Variants in UGT1A9 observed in about 807,000 individuals in gnomAD.
UGT1A9 encodes the protein UDP glucuronosyltransferase family 1 member A9, also known as UDP-glucuronosyltransferase 1A9.
UGT1A9 carries 35 observed loss-of-function variants against 45.0 expected under a neutral mutation model. The ratio of observed to expected loss-of-function variants is 0.78; its 90% CI spans 0.59 to 1.03. The LOEUF (loss-of-function observed/expected upper bound fraction) is 1.03, where lower values mean the gene tolerates loss of function less well. Among genes scored for constraint, UGT1A9 ranks in the 50% least tolerant of loss-of-function variants. UGT1A9 has a pLI of 0.00. For synonymous variants in UGT1A9, 278 were observed against 250.6 expected (o/e 1.11, Z -1.03); for missense variants, 687 against 666.6 (o/e 1.03, Z -0.34).
intron 1 of UGT1A9, among the ~76,000 whole-genome samples, chr2:233,699,734 C>G (rs943749352): frequency 6.6e-6 from 1 of 152,176 alleles, no homozygotes. Flanking sequence ...GGAGCGTTTT[C>G]CCAGAAAACT....
At chr2:233,740,454 A>T (rs1319736893) in intron 1 of UGT1A9, among the ~76,000 whole-genome samples, 4 of 151,980 alleles carry the variant, frequency 2.6e-5, no homozygotes, top group Admixed American at 2.0e-4. Flanking sequence ...GAGGAGAAGA[A>T]GATGATGGAC....
intron 1 of UGT1A9, among the ~76,000 whole-genome samples, chr2:233,763,058 A>G (rs1698227162): frequency 6.6e-6 from 1 of 152,176 alleles, no homozygotes. Context: ...ATTGATTTAG[A>G]TAATTTCCTT....
At chr2:233,682,225 T>C in intron 1 of UGT1A9, 1 of 1,614,246 alleles carries the variant, frequency 6.2e-7, no homozygotes, top group Non-Finnish European at 8.5e-7. Flanking sequence ...TTGCCGATGC[T>C]CGCTGGACGG....
At chr2:233,757,301 G>T (rs1209658771) in intron 1 of UGT1A9, among the ~76,000 whole-genome samples, 1 of 149,508 alleles carries the variant, frequency 6.7e-6, no homozygotes, top group Non-Finnish European at 1.5e-5. Context: ...TGGGGGTTGG[G>T]GGACAGGGGG....
At chr2:233,758,825 CA>C (rs1386415381) in intron 1 of UGT1A9, among the ~76,000 whole-genome samples, 2 of 152,114 alleles carry the variant, frequency 1.3e-5, no homozygotes, top group Non-Finnish European at 2.9e-5. Flanking sequence ...ATATCCCCCC[CA>C]AAAAGAGTGT....
chr2:233,741,051 T>G (rs1437462730), intron 1 of UGT1A9, among the ~76,000 whole-genome samples: 1 of 151,772 alleles, frequency 6.6e-6, no homozygotes, highest in Non-Finnish European at 1.5e-5. Context: ...CTTGCCTAGG[T>G]AACAGCTACA....
At chr2:233,703,885 A>AT (rs2075756699) in intron 1 of UGT1A9, among the ~76,000 whole-genome samples, 1 of 150,626 alleles carries the variant, frequency 6.6e-6, no homozygotes, top group Non-Finnish European at 1.5e-5. Context: ...GTCTACCATC[A>AT]TTTTTTTCTT....
chr2:233,733,236 C>T (rs982888781), intron 1 of UGT1A9, among the ~76,000 whole-genome samples: 9 of 152,278 alleles, frequency 5.9e-5, no homozygotes, highest in African/African-American at 2.2e-4. Context: ...TCTAAATATA[C>T]AATCATGTCA....
intron 1 of UGT1A9, among the ~76,000 whole-genome samples, chr2:233,735,726 A>G (rs1434369558): frequency 5.9e-5 from 9 of 152,086 alleles, no homozygotes; most frequent in Admixed American, 5.9e-4. Flanking sequence ...ATCTCTCAGC[A>G]TTTGCTTGTC....
At chr2:233,721,607 A>C (rs1233448854) in intron 1 of UGT1A9, 2 of 179,574 alleles carry the variant, frequency 1.1e-5, no homozygotes, top group Non-Finnish European at 1.2e-5. Flanking sequence ...GTTTAGGAAC[A>C]ATTTGTTCCT....
chr2:233,719,067 C>T (rs769802516), intron 1 of UGT1A9: 180 of 1,614,260 alleles, frequency 1.1e-4, no homozygotes, highest in East Asian at 4.0e-4. Flanking sequence ...CTATGCTGTT[C>T]CATGGACCCA....
chr2:233,755,312 G>A (rs976147893), intron 1 of UGT1A9: 4 of 551,240 alleles, frequency 7.3e-6, no homozygotes, highest in South Asian at 3.7e-5. Flanking sequence ...CACAGCGAGC[G>A]GCAAGGCTGC....
intron 1 of UGT1A9, among the ~76,000 whole-genome samples, chr2:233,750,128 G>A (rs1357269719): frequency 6.6e-6 from 1 of 151,932 alleles, no homozygotes; most frequent in Non-Finnish European, 1.5e-5. Flanking sequence ...ATGTGGGAAA[G>A]TTTGGAACTT....
At chr2:233,763,485 C>G (rs763947440) in intron 1 of UGT1A9, among the ~76,000 whole-genome samples, 4 of 152,140 alleles carry the variant, frequency 2.6e-5, no homozygotes, top group Non-Finnish European at 4.4e-5. Context: ...TTGATTGTAA[C>G]TCTCTCAGTT....
chr2:233,760,567 A>G (rs1697488656), intron 1 of UGT1A9: 5 of 1,614,130 alleles, frequency 3.1e-6, no homozygotes, highest in African/African-American at 2.7e-5. Context: ...GTCTTTTGTT[A>G]GTCTCGGGCA....
At position 233,754,818 on chromosome 2, in the gene UGT1A9, T is replaced by C. The variant is rs536023413; in HGVS notation, c.856-12216T>C. The stretch of plus-strand genomic sequence containing the variant: ...TGTATCAAAAGAAGAAAAACCACCC[T>C]CAAAAGCTGGAAATTCACTGAAGGC... On this transcript the variant is annotated intron_variant, in intron 1 of 4. Transcript: ENST00000354728. 419 of 1,332,122 alleles carry C rather than the reference T, an allele frequency of 3.1e-4. 1 individual carries two copies. The highest frequency in any genetic ancestry group is 3.7e-4 in the Non-Finnish European group (370 of 994,872). The allele number at this position is 1,332,122 out of a possible 1,614,324, so 82.5% of individuals were successfully genotyped here.
intron 1 of UGT1A9, chr2:233,747,444 A>G: frequency 6.2e-7 from 1 of 1,609,016 alleles, no homozygotes; most frequent in East Asian, 2.2e-5. Flanking sequence ...TTTCACCCTG[A>G]CAACCTATGC....
At chr2:233,690,889 G>A in intron 1 of UGT1A9, 1 of 1,060,584 alleles carries the variant, frequency 9.4e-7, no homozygotes, top group Non-Finnish European at 1.1e-6. Context: ...GAATTCAAGG[G>A]ATGGTATGCA....
intron 1 of UGT1A9, among the ~76,000 whole-genome samples, chr2:233,766,030 T>C (rs1699031602): frequency 6.6e-6 from 1 of 152,104 alleles, no homozygotes; most frequent in Non-Finnish European, 1.5e-5. Context: ...AGTTTTGCCC[T>C]CTATAGTCAG....
Sources: allele counts gnomAD v4.1 joint callset (sites outside exome capture counted in the v4.1 genomes callset), GRCh38; gene constraint gnomAD v4.1.1; transcripts MANE v1.5; gene names NCBI Gene and HGNC (gene_info 2026-07-23, HGNC 2026-07-21).